Variants in RASAL2 observed in about 807,000 individuals in gnomAD.
RASAL2 encodes ras GTPase-activating protein nGAP.
Under a neutral mutation model 128.9 loss-of-function variants are expected in RASAL2, and 58 were observed. That is an observed-to-expected ratio of 0.45 (90% CI 0.36 to 0.56). RASAL2 has a LOEUF of 0.56. Ranked by LOEUF, RASAL2 falls within the 20% of genes least tolerant of loss-of-function variation. RASAL2 has a pLI of 0.00. For synonymous variants in RASAL2, 561 were observed against 580.8 expected, an observed-to-expected ratio of 0.97 and a Z score of 0.49; for missense variants, 1,360 against 1,601.6, an observed-to-expected ratio of 0.85 and a Z score of 2.57.
At chr1:178,226,677 T>A (rs1026927477) in intron 1 of RASAL2, among the ~76,000 whole-genome samples, 3 of 152,230 alleles carry the variant, frequency 2.0e-5, no homozygotes, top group African/African-American at 7.2e-5. Context: ...CTGGACACGG[T>A]GGCTCACACC....
chr1:178,447,471 C>G lies in RASAL2; in HGVS notation c.1627+1809C>G, dbSNP rs2746329. Among the ~76,000 whole-genome samples, 507 of 151,552 alleles carry G rather than the reference C, an allele frequency of 3.3e-3. 1 individual carries two copies. The highest frequency in any genetic ancestry group is 0.011 in the African/African-American group (449 of 41,314). On this transcript the variant is annotated intron_variant, in intron 9 of 17. Coordinates refer to ENST00000367649, the MANE Select transcript of RASAL2 (RefSeq NM_170692.4). ...GGCCCACCACCCAAGGTCAGGAGTTCGAGACCAGCCTGGCCAACATGCTGA... is the reference window on the plus strand; with the variant it reads ...GGCCCACCACCCAAGGTCAGGAGTTGGAGACCAGCCTGGCCAACATGCTGA...
Position 178,227,725 on chromosome 1 carries a change from A to C in RASAL2, c.203-55839A>C, listed in dbSNP as rs553862757. ...ATTTAAATGTCATTTTGACATAGCA[A>C]CCAGAATGATTCTTAAAGCTGTGCT... is the stretch of plus-strand genomic sequence containing the variant. On this transcript the variant is annotated intron_variant, in intron 1 of 17. Transcript: ENST00000367649. Among the ~76,000 whole-genome samples, 41 of 152,240 alleles carry C rather than the reference A, an allele frequency of 2.7e-4. 1 individual carries two copies. Among genetic ancestry groups the C allele is most frequent in the Non-Finnish European group, 1.0e-4 (7 of 68,038 alleles).
intron 1 of RASAL2, among the ~76,000 whole-genome samples, chr1:178,229,634 T>G (rs1663923412): frequency 6.6e-6 from 1 of 152,174 alleles, no homozygotes; most frequent in Non-Finnish European, 1.5e-5. Context: ...TTTGTTCCAG[T>G]ATTGCCATTT....
At chr1:178,275,581 A>G (rs1422624191) in intron 1 of RASAL2, among the ~76,000 whole-genome samples, 1 of 152,240 alleles carries the variant, frequency 6.6e-6, no homozygotes, top group Non-Finnish European at 1.5e-5. Flanking sequence ...CCTTTATCAA[A>G]TATCAAGTTG....
At chr1:178,392,999 A>G (rs574873269) in intron 4 of RASAL2, among the ~76,000 whole-genome samples, 1 of 152,324 alleles carries the variant, frequency 6.6e-6, no homozygotes, top group East Asian at 1.9e-4. Flanking sequence ...TGGGAAGAAG[A>G]GGAAATTTAT....
intron 1 of RASAL2, among the ~76,000 whole-genome samples, chr1:178,205,539 G>A (rs1332323192): frequency 2.6e-5 from 4 of 151,768 alleles, no homozygotes; most frequent in African/African-American, 9.7e-5. Context: ...GGCTGATCAC[G>A]ACGTCAGGAG....
chr1:178,264,233 G>A (rs1665833539), intron 1 of RASAL2, among the ~76,000 whole-genome samples: 1 of 152,164 alleles, frequency 6.6e-6, no homozygotes. Context: ...TCTACCCGTT[G>A]CCTCAGCTAG....
intron 1 of RASAL2, among the ~76,000 whole-genome samples, chr1:178,189,035 G>A (rs114670971): frequency 2.6e-5 from 4 of 152,016 alleles, no homozygotes; most frequent in African/African-American, 7.2e-5. Context: ...ATTGTGGTTC[G>A]CTTCAAATGT....
At chr1:178,205,064 G>T (rs961447524) in intron 1 of RASAL2, among the ~76,000 whole-genome samples, 1 of 152,192 alleles carries the variant, frequency 6.6e-6, no homozygotes, top group Non-Finnish European at 1.5e-5. Flanking sequence ...GAGTACAGTG[G>T]CATGATCTTG....
At chr1:178,311,814 A>C (rs1427232941) in intron 3 of RASAL2, among the ~76,000 whole-genome samples, 1 of 152,080 alleles carries the variant, frequency 6.6e-6, no homozygotes, top group Non-Finnish European at 1.5e-5. Context: ...GAGAGACTAA[A>C]ACATACAAAA....
chr1:178,437,548 G>A (rs1339273297), intron 5 of RASAL2, among the ~76,000 whole-genome samples: 1 of 152,002 alleles, frequency 6.6e-6, no homozygotes, highest in Non-Finnish European at 1.5e-5. Flanking sequence ...AATAAAAGTT[G>A]CCTTTGTCAT....
At chr1:178,110,353 C>T (rs1023783266) in intron 1 of RASAL2, among the ~76,000 whole-genome samples, 31 of 151,766 alleles carry the variant, frequency 2.0e-4, no homozygotes, top group African/African-American at 7.3e-4. Context: ...GCTGAAGTTC[C>T]ATATATAAAA....
chr1:178,455,930 A>G (rs1311104164), intron 12 of RASAL2, among the ~76,000 whole-genome samples: 4 of 152,254 alleles, frequency 2.6e-5, no homozygotes, highest in Admixed American at 2.6e-4. Context: ...AGTGGAATGC[A>G]GATTCAGTTT....
At chr1:178,154,721 A>G (rs1331722814) in intron 1 of RASAL2, among the ~76,000 whole-genome samples, 8 of 152,210 alleles carry the variant, frequency 5.3e-5, no homozygotes, top group Admixed American at 5.2e-4. Context: ...ACATTGCAAG[A>G]GCACATCTTA....
chr1:178,332,279 T>C (rs1057344377), intron 3 of RASAL2, among the ~76,000 whole-genome samples: 2 of 151,906 alleles, frequency 1.3e-5, no homozygotes, highest in East Asian at 2.0e-4. Flanking sequence ...GGCGGGCAGA[T>C]CACCTGAGGG....
chr1:178,390,070 T>C (rs746116717), intron 3 of RASAL2, 30 bp from the exon 4 acceptor site: 1 of 1,473,878 alleles, frequency 6.8e-7, no homozygotes, highest in South Asian at 1.2e-5. Flanking sequence ...GGGTTCTTAA[T>C]GATGTTTCAA....
chr1:178,425,889 A>C (rs1399492258), intron 5 of RASAL2, among the ~76,000 whole-genome samples: 2 of 152,108 alleles, frequency 1.3e-5, no homozygotes, highest in African/African-American at 4.8e-5. Flanking sequence ...ATAATATAGG[A>C]CTCTGTTCTT....
chr1:178,211,430 T>C (rs1172068177), intron 1 of RASAL2, among the ~76,000 whole-genome samples: 1 of 152,170 alleles, frequency 6.6e-6, no homozygotes, highest in Non-Finnish European at 1.5e-5. Flanking sequence ...TTATTTAAAC[T>C]TTTTCAGTAG....
At chr1:178,242,538 C>T (rs1037344495) in intron 1 of RASAL2, among the ~76,000 whole-genome samples, 1 of 150,142 alleles carries the variant, frequency 6.7e-6, no homozygotes, top group Admixed American at 6.7e-5. Context: ...AGCAGTCCTC[C>T]ACCCTCGGCT....
Sources: allele counts gnomAD v4.1 joint callset (sites outside exome capture counted in the v4.1 genomes callset), GRCh38; gene constraint gnomAD v4.1.1; transcripts MANE v1.5; gene names NCBI Gene and HGNC (gene_info 2026-07-23, HGNC 2026-07-21).